WDPCP: variants seen among roughly 807,000 people sequenced by gnomAD.
WDPCP encodes WD repeat containing planar cell polarity effector.
In WDPCP, 71 loss-of-function variants were observed where a neutral mutation model predicts 93.1. The ratio of observed to expected loss-of-function variants is 0.76; its 90% CI spans 0.63 to 0.93. The LOEUF (loss-of-function observed/expected upper bound fraction) is 0.93, where lower values mean the gene tolerates loss of function less well. WDPCP is among the 40% of genes least tolerant of loss of function. WDPCP has a pLI of 0.00. For synonymous variants in WDPCP, 315 were observed against 315.0 expected, an observed-to-expected ratio of 1.00 and a Z score of 0.00; for missense variants, 844 against 887.4, an observed-to-expected ratio of 0.95 and a Z score of 0.62.
intron 14 of WDPCP, among the ~76,000 whole-genome samples, chr2:63,195,213 G>C (rs1297711246): frequency 6.6e-6 from 1 of 152,112 alleles, no homozygotes. Flanking sequence ...GTCAAAGGCT[G>C]ATGAGCCTTT....
chr2:63,530,984 C>T (rs1217499805), intron 1 of WDPCP, among the ~76,000 whole-genome samples: 2 of 152,224 alleles, frequency 1.3e-5, no homozygotes, highest in African/African-American at 2.4e-5. Context: ...GGGACACTCC[C>T]GCCCTAATAC....
intron 3 of WDPCP, chr2:63,642,596 C>G (rs977101919): frequency 7.3e-5 from 11 of 149,954 alleles, no homozygotes; most frequent in African/African-American, 2.7e-4. Context: ...ATTTCTTTTT[C>G]AGATTGCTTG....
intron 2 of WDPCP, among the ~76,000 whole-genome samples, chr2:63,677,399 G>A (rs1438401728): frequency 2.0e-5 from 3 of 152,018 alleles, no homozygotes; most frequent in Non-Finnish European, 4.4e-5. Flanking sequence ...AGATACTGAA[G>A]TTATCAGCCA....
In WDPCP at chr2:63,553,518, A is replaced by T. The variant is rs374321910; in HGVS notation, c.75+34679T>A. ...TTTTGGAGTGCAGGGTATTTTTTTC[A>T]AGATTTAAAATATCAACATGTCTCA... On this transcript the variant is annotated intron_variant, in intron 1 of 17. Coordinates refer to ENST00000272321, the MANE Select transcript of WDPCP (RefSeq NM_015910.7). 3.9e-5 allele frequency among the ~76,000 whole-genome samples: 6 copies of T among 152,234 alleles called. No homozygotes were observed. In the East Asian group the frequency reaches 1.2e-3, roughly 29 times the overall value.
chr2:63,647,767 G>C (rs1379906024), intron 3 of WDPCP, among the ~76,000 whole-genome samples: 3 of 151,958 alleles, frequency 2.0e-5, no homozygotes, highest in Admixed American at 6.6e-5. Context: ...CTGGGTAAAG[G>C]ATACAAGACC....
chr2:63,583,511 T>C (rs1483424194), intron 1 of WDPCP, among the ~76,000 whole-genome samples: 1 of 151,930 alleles, frequency 6.6e-6, no homozygotes, highest in African/African-American at 2.4e-5. Context: ...TGAAAACCCA[T>C]CTCCAATAAA....
At chr2:63,182,540 T>G (rs1359249764) in intron 14 of WDPCP, among the ~76,000 whole-genome samples, 2 of 152,092 alleles carry the variant, frequency 1.3e-5, no homozygotes, top group African/African-American at 4.8e-5. Context: ...TGTATTGGGT[T>G]TGCTAGTACT....
chr2:63,154,086 A>AG (rs1672069211), intron 15 of WDPCP, among the ~76,000 whole-genome samples: 2 of 152,060 alleles, frequency 1.3e-5, no homozygotes, highest in African/African-American at 4.8e-5. Context: ...TTTTAAAAAA[A>AG]TAAAACTGAG....
chr2:63,824,396 A>T (rs1291044197), intron 1 of WDPCP, among the ~76,000 whole-genome samples: 1 of 151,952 alleles, frequency 6.6e-6, no homozygotes, highest in Non-Finnish European at 1.5e-5. Context: ...AAAAAAAAAA[A>T]AATTAGCCAG....
At chr2:63,527,001 A>C (rs539530236) in intron 1 of WDPCP, among the ~76,000 whole-genome samples, 1 of 152,330 alleles carries the variant, frequency 6.6e-6, no homozygotes, top group East Asian at 1.9e-4. Flanking sequence ...GCTTCCTCAT[A>C]AACTTAGAGT....
intron 3 of WDPCP, chr2:63,597,528 A>C (rs1709339973): frequency 6.6e-7 from 1 of 1,505,398 alleles, no homozygotes; most frequent in Admixed American, 2.0e-5. Flanking sequence ...AAAATCTTCA[A>C]ATCCCAGGGT....
intron 13 of WDPCP, among the ~76,000 whole-genome samples, chr2:63,310,688 A>G (rs1686114178): frequency 8.5e-6 from 1 of 117,230 alleles, no homozygotes; most frequent in African/African-American, 3.1e-5. Context: ...GGCTTGTAAA[A>G]AGTCTAAAAT....
At chr2:63,574,330 C>T (rs980838336) in intron 1 of WDPCP, among the ~76,000 whole-genome samples, 36 of 151,980 alleles carry the variant, frequency 2.4e-4, no homozygotes, top group Admixed American at 1.7e-3. Context: ...TCAGACTGGC[C>T]GACACTTAGG....
chr2:63,265,604 C>T (rs189916568), intron 13 of WDPCP, among the ~76,000 whole-genome samples: 1 of 152,250 alleles, frequency 6.6e-6, no homozygotes, highest in Non-Finnish European at 1.5e-5. Flanking sequence ...AAAAGTAAAA[C>T]CAATCCTTCT....
upstream of WDPCP, chr2:63,588,614 TG>T (rs1450051912): frequency 2.0e-5 from 10 of 491,316 alleles, no homozygotes; most frequent in Admixed American, 2.0e-4. Context: ...GTCACGCGCG[TG>T]GGGGTGATGT....
At position 63,788,955 on chromosome 2, in the gene WDPCP, C is replaced by T. The variant is rs1311649153; in HGVS notation, n.308+24667G>A. 3.3e-5 allele frequency among the ~76,000 whole-genome samples: 5 copies of T among 152,298 alleles called. No individual in the cohort carries two copies. In the South Asian group the frequency reaches 1.0e-3, roughly 32 times the overall value. On this transcript the variant is annotated intron_variant and non_coding_transcript_variant, in intron 2 of 4. Transcript: ENST00000467687. The stretch of plus-strand genomic sequence containing the variant: ...AAACATAGATCCTCACTATGCTGCC[C>T]AGGTTGGTCCTGAATTCCTGGGCTC...
chr2:63,521,409 T>A (rs189967859), intron 1 of WDPCP, among the ~76,000 whole-genome samples: 29 of 152,256 alleles, frequency 1.9e-4, no homozygotes, highest in African/African-American at 6.0e-4. Flanking sequence ...GGTTGCTATC[T>A]AATTTCAGAC....
intron 2 of WDPCP, among the ~76,000 whole-genome samples, chr2:63,779,166 G>T (rs1198565575): frequency 6.6e-6 from 1 of 152,146 alleles, no homozygotes; most frequent in Non-Finnish European, 1.5e-5. Context: ...TCACAAGAAG[G>T]TTCAAAACTA....
chr2:63,775,956 T>G (rs1670296176), intron 2 of WDPCP, among the ~76,000 whole-genome samples: 1 of 152,062 alleles, frequency 6.6e-6, no homozygotes, highest in Non-Finnish European at 1.5e-5. Context: ...CCCAGCACTT[T>G]GGGAGGCTAG....
Sources: allele counts gnomAD v4.1 joint callset (sites outside exome capture counted in the v4.1 genomes callset), GRCh38; gene constraint gnomAD v4.1.1; transcripts MANE v1.5; gene names NCBI Gene and HGNC (gene_info 2026-07-23, HGNC 2026-07-21).